BRDT: variants seen among roughly 807,000 people sequenced by gnomAD.
BRDT encodes bromodomain testis-specific protein.
Under a neutral mutation model 113.9 loss-of-function variants are expected in BRDT, and 77 were observed. The observed-to-expected ratio is 0.68, with a 90% CI of 0.56 to 0.82. BRDT has a LOEUF of 0.82. BRDT is among the 40% of genes least tolerant of loss of function. The probability of loss-of-function intolerance (pLI) is 0.00; values close to 1 mark genes in which losing one functional copy is unlikely to be tolerated. For synonymous variants in BRDT, 358 were observed against 366.5 expected (o/e 0.98, Z 0.26); for missense variants, 1,027 against 1,105.4 (o/e 0.93, Z 1.01).
rs565062101 is a variant in BRDT, at chr1:91,979,526, T to TA, written c.1099-37dup. The TA allele has an allele frequency of 4.9e-4, 757 of 1,556,730 alleles. 3 individuals carry two copies. The African/African-American group carries it at 8.2e-3, about 17-fold the overall frequency. ...TAAAAGCTGTGATTGCTGGATTAAATAAAAAATACAGAAAACCATAACAAA... is the reference window on the plus strand; with the variant it reads ...TAAAAGCTGTGATTGCTGGATTAAATAAAAAAATACAGAAAACCATAACAAA... On this transcript the variant is annotated intron_variant, in intron 7 of 18. Transcript: ENST00000399546.
chr1:92,011,594 G>T (rs1330671816), intron 18 of BRDT, among the ~76,000 whole-genome samples: 1 of 152,074 alleles, frequency 6.6e-6, no homozygotes, highest in African/African-American at 2.4e-5. Context: ...ACTCACACGG[G>T]CCTGACTTAA....
chr1:92,004,238 A>AT (rs540555504), intron 16 of BRDT, among the ~76,000 whole-genome samples, 176 bp from the exon 17 acceptor site: 5 of 151,874 alleles, frequency 3.3e-5, no homozygotes, highest in East Asian at 1.9e-4. Context: ...ATGTTTTTGT[A>AT]TTTTTTTTCT....
intron 1 of BRDT, among the ~76,000 whole-genome samples, chr1:91,956,124 A>G (rs928696726): frequency 4.6e-5 from 7 of 152,192 alleles, no homozygotes; most frequent in African/African-American, 1.7e-4. Flanking sequence ...CTTCCTGTAT[A>G]CCTTGCTATT....
In BRDT at chr1:91,960,859, C is replaced by T. The variant is rs114496662; in HGVS notation, c.-37-1859C>T. Among the ~76,000 whole-genome samples, 1,382 of 152,148 alleles carry T rather than the reference C, an allele frequency of 9.1e-3. 16 individuals carry two copies. Among genetic ancestry groups the T allele is most frequent in the Non-Finnish European group, 0.011 (743 of 68,000 alleles). Reference sequence around the variant, plus strand: ...TTATGTACTTGAGGTATTATGTGCACGTTGGTAGTACCTTTATTATCCTTA... The same window carrying T: ...TTATGTACTTGAGGTATTATGTGCATGTTGGTAGTACCTTTATTATCCTTA... On this transcript the variant is annotated intron_variant, in intron 1 of 18. Transcript: ENST00000399546.
rs1368535248 is a variant in BRDT, at chr1:91,979,009, A to AC, written c.1099-560_1099-559insC. ...CGAGACTACGTCTCAAAAAAAAAAA[A>AC]AAAACAACAACAACAACAAAAAAAA... On this transcript the variant is annotated intron_variant, in intron 7 of 18. Transcript: ENST00000399546. Among the ~76,000 whole-genome samples the AC allele has an allele frequency of 1.2e-3, 150 of 129,668 alleles. 1 individual carries two copies. Among genetic ancestry groups the AC allele is most frequent in the African/African-American group, 3.7e-3 (121 of 32,410 alleles). 85.1% of individuals were successfully genotyped at this position (129,668 alleles called of 152,430 possible). A position where few individuals can be genotyped will look rare whatever the true frequency, so the allele number is the denominator to read the frequency against.
At chr1:91,974,058 G>T (rs1683881220) in intron 4 of BRDT, among the ~76,000 whole-genome samples, 1 of 152,122 alleles carries the variant, frequency 6.6e-6, no homozygotes, top group Non-Finnish European at 1.5e-5. Context: ...TTTAATAAAT[G>T]GTGCTGGGAA....
intron 11 of BRDT, 109 bp from the exon 12 acceptor site, chr1:91,981,509 G>T (rs1684728396): frequency 3.9e-6 from 6 of 1,548,058 alleles, no homozygotes; most frequent in Non-Finnish European, 5.3e-6. Context: ...CTCTCAAAGT[G>T]CTGAGATTAC....
At chr1:91,993,825 A>G (rs183567213) in intron 14 of BRDT, among the ~76,000 whole-genome samples, 2 of 152,350 alleles carry the variant, frequency 1.3e-5, no homozygotes, top group Admixed American at 1.3e-4. Context: ...ATGCATACTC[A>G]TAACTAAGAT....
intron 12 of BRDT, among the ~76,000 whole-genome samples, chr1:91,985,732 G>C (rs1047894725): frequency 7.4e-6 from 1 of 136,022 alleles, no homozygotes; most frequent in Non-Finnish European, 1.5e-5. Flanking sequence ...TCCGCCTCCC[G>C]GGTTCACGTT....
At chr1:91,994,470 T>G (rs559525171) in intron 15 of BRDT, among the ~76,000 whole-genome samples, 1 of 151,956 alleles carries the variant, frequency 6.6e-6, no homozygotes, top group Non-Finnish European at 1.5e-5. Flanking sequence ...AGAAAGAAAA[T>G]TATGTATATA....
intron 4 of BRDT, among the ~76,000 whole-genome samples, chr1:91,969,191 C>T (rs185564672): frequency 5.9e-5 from 9 of 152,136 alleles, no homozygotes; most frequent in Middle Eastern, 3.4e-3. Flanking sequence ...CTGCCTGCCT[C>T]GGCCTCCCAA....
At chr1:91,969,680 G>A (rs114242666) in intron 4 of BRDT, among the ~76,000 whole-genome samples, 6,398 of 151,998 alleles carry the variant, frequency 0.042, 175 homozygotes, top group Non-Finnish European at 0.06. Context: ...ATTTAATGTT[G>A]CTAGAAGGTA....
intron 3 of BRDT, among the ~76,000 whole-genome samples, chr1:91,967,513 C>T (rs1419783349): frequency 6.6e-6 from 1 of 152,178 alleles, no homozygotes; most frequent in Non-Finnish European, 1.5e-5. Flanking sequence ...ATTCTCCTGC[C>T]TCAGCCTCCT....
Position 91,993,378 on chromosome 1 carries a change from C to T in BRDT, c.2116-705C>T, listed in dbSNP as rs139989975. Among the ~76,000 whole-genome samples, 8 of 152,214 alleles carry T rather than the reference C, an allele frequency of 5.3e-5. No individual in the cohort carries two copies. The East Asian group carries it at 1.4e-3, about 26-fold the overall frequency. ...TTTGCTACTGTAACTTCGCTTGCCA[C>T]AGAATAGGTGTGAGATTTCAGGTAA... On this transcript the variant is annotated intron_variant, in intron 14 of 18. Transcript: ENST00000399546.
intron 7 of BRDT, among the ~76,000 whole-genome samples, chr1:91,978,728 C>T (rs1684392242): frequency 6.6e-6 from 1 of 152,064 alleles, no homozygotes; most frequent in South Asian, 2.1e-4. Flanking sequence ...TGGCCCGGCG[C>T]GGTGGCTCAC....
intron 18 of BRDT, among the ~76,000 whole-genome samples, chr1:92,006,523 G>A (rs1224256362): frequency 1.3e-5 from 2 of 152,146 alleles, no homozygotes; most frequent in African/African-American, 4.8e-5. Flanking sequence ...CTGGAGTGCA[G>A]TGGTGTGATC....
chr1:91,982,919 A>G (rs1028848156), intron 12 of BRDT, among the ~76,000 whole-genome samples: 5 of 152,212 alleles, frequency 3.3e-5, no homozygotes, highest in East Asian at 3.8e-4. Flanking sequence ...AGTATTTTCA[A>G]TTGTAATTAG....
chr1:91,978,651 T>C (rs377643430), intron 7 of BRDT, among the ~76,000 whole-genome samples: 5 of 152,088 alleles, frequency 3.3e-5, no homozygotes, highest in African/African-American at 1.2e-4. Flanking sequence ...GAGGGGACAG[T>C]CTAAATGGCT....
chr1:91,968,016 T>TA, intron 3 of BRDT, 130 bp from the exon 4 acceptor site: 1 of 846,734 alleles, frequency 1.2e-6, no homozygotes, highest in East Asian at 2.8e-5. Flanking sequence ...CACTATTTTC[T>TA]AAATTTATAA....
Sources: gnomAD v4.1 joint callset for allele counts (sites outside exome capture counted in the v4.1 genomes callset) on GRCh38, gnomAD v4.1.1 for gene constraint, MANE v1.5 for transcripts, NCBI Gene and HGNC (gene_info 2026-07-23, HGNC 2026-07-21) for gene names.